The following CNTNAP2 variants were observed in gnomAD, a reference collection of about 807,000 sequenced individuals.
CNTNAP2 encodes contactin associated protein 2.
In CNTNAP2, 98 loss-of-function variants were observed where a neutral mutation model predicts 155.2. The ratio of observed to expected loss-of-function variants is 0.63; its 90% CI spans 0.54 to 0.75. The LOEUF (loss-of-function observed/expected upper bound fraction) is 0.75, where lower values mean the gene tolerates loss of function less well. CNTNAP2 is among the 30% of genes least tolerant of loss of function. CNTNAP2 has a pLI of 0.00. For missense variants in CNTNAP2, 1,727 were observed against 1,688.1 expected (o/e 1.02, Z -0.40); for synonymous variants, 651 against 631.2 (o/e 1.03, Z -0.47).
chr7:148,299,721 A>G (rs2116496854), intron 21 of CNTNAP2, among the ~76,000 whole-genome samples: 1 of 152,346 alleles, frequency 6.6e-6, no homozygotes, highest in African/African-American at 2.4e-5. Flanking sequence ...TGTAAGGTAC[A>G]ATTTGAAAAG....
intron 14 of CNTNAP2, among the ~76,000 whole-genome samples, chr7:147,971,374 G>A (rs1354158619): frequency 6.6e-6 from 1 of 151,946 alleles, no homozygotes. Flanking sequence ...TAAATTTTTA[G>A]AAAATTCATT....
chr7:147,960,622 G>A (rs1361369850), intron 14 of CNTNAP2, among the ~76,000 whole-genome samples: 1 of 152,112 alleles, frequency 6.6e-6, no homozygotes, highest in Non-Finnish European at 1.5e-5. Flanking sequence ...GTGTTTTCCA[G>A]CATCAACTGG....
chr7:147,590,241 T>C (rs10251903), intron 12 of CNTNAP2, among the ~76,000 whole-genome samples: 103,824 of 151,952 alleles, frequency 0.68, 35,915 homozygotes, highest in African/African-American at 0.78. Flanking sequence ...ATTGATAGCC[T>C]GTTACATGCC....
At chr7:147,609,043 G>A (rs1801129555) in intron 12 of CNTNAP2, among the ~76,000 whole-genome samples, 1 of 152,160 alleles carries the variant, frequency 6.6e-6, no homozygotes, top group African/African-American at 2.4e-5. Flanking sequence ...CCATCTGGAT[G>A]TATACGTGCA....
intron 14 of CNTNAP2, among the ~76,000 whole-genome samples, chr7:147,970,488 G>A (rs1367876956): frequency 6.6e-6 from 1 of 152,152 alleles, no homozygotes; most frequent in Non-Finnish European, 1.5e-5. Flanking sequence ...ACTTTGGGAG[G>A]TCAAGGTGCG....
At chr7:146,975,484 A>C in intron 3 of CNTNAP2, among the ~76,000 whole-genome samples, 1 of 150,774 alleles carries the variant, frequency 6.6e-6, no homozygotes, top group East Asian at 1.9e-4. Context: ...AATAATAAAC[A>C]AAAAAAATAG....
chr7:147,112,557 T>A (rs1405036835), intron 5 of CNTNAP2, among the ~76,000 whole-genome samples: 1 of 152,210 alleles, frequency 6.6e-6, no homozygotes, highest in Non-Finnish European at 1.5e-5. Context: ...AAAACCTAGT[T>A]AACTGAGAGT....
chr7:147,877,130 A>G (rs566709947), intron 13 of CNTNAP2, among the ~76,000 whole-genome samples: 1 of 151,426 alleles, frequency 6.6e-6, no homozygotes, highest in East Asian at 1.9e-4. Context: ...TTCAGACACA[A>G]CGAAGGCTTT....
At chr7:147,536,701 A>G (rs1206273166) in intron 11 of CNTNAP2, among the ~76,000 whole-genome samples, 2 of 152,160 alleles carry the variant, frequency 1.3e-5, no homozygotes, top group Non-Finnish European at 2.9e-5. Flanking sequence ...CAGTGCTAAC[A>G]CGCAGCGTTC....
At chr7:146,523,940 C>A (rs905057492) in intron 1 of CNTNAP2, among the ~76,000 whole-genome samples, 3 of 151,946 alleles carry the variant, frequency 2.0e-5, no homozygotes, top group African/African-American at 7.3e-5. Flanking sequence ...GTTCCTGTGC[C>A]TTTATTCAAG....
intron 21 of CNTNAP2, among the ~76,000 whole-genome samples, chr7:148,312,503 G>A (rs1797613010): frequency 6.6e-6 from 1 of 152,150 alleles, no homozygotes; most frequent in Non-Finnish European, 1.5e-5. Flanking sequence ...CTGGGATGAA[G>A]GGTGCAAAGG....
chr7:147,958,144 C>G (rs1163882952), intron 14 of CNTNAP2, among the ~76,000 whole-genome samples: 1 of 152,040 alleles, frequency 6.6e-6, no homozygotes, highest in Non-Finnish European at 1.5e-5. Context: ...CTTTCTAGAG[C>G]TTAGTTTTCT....
chr7:147,526,449 C>T (rs1304463279), intron 11 of CNTNAP2, among the ~76,000 whole-genome samples: 2 of 151,934 alleles, frequency 1.3e-5, no homozygotes, highest in Non-Finnish European at 2.9e-5. Flanking sequence ...ATATCAAGCT[C>T]GAGGTAAAGT....
rs778189127 is a variant in CNTNAP2 at position 148,172,479 on chromosome 7, G to A, written c.3010+1G>A. On this transcript the variant is annotated splice_donor_variant, in intron 18 of 23. Coordinates refer to ENST00000361727, the MANE Select transcript of CNTNAP2 (RefSeq NM_014141.6). LOFTEE classifies it high-confidence loss of function. ...TATGATGGAACATTTTGCAACAAAG[G>A]TAAGGTGGAACCCATTTCCAGAGCC... The A allele has an allele frequency of 1.2e-6, 2 of 1,613,768 alleles. No individual in the cohort carries two copies. The highest frequency in any genetic ancestry group is 1.1e-5 in the South Asian group (1 of 91,076).
chr7:147,512,750 T>C (rs1419588162), intron 11 of CNTNAP2, among the ~76,000 whole-genome samples: 3 of 152,160 alleles, frequency 2.0e-5, no homozygotes, highest in African/African-American at 7.2e-5. Flanking sequence ...ACAATTCCAT[T>C]TTTAGAATTG....
intron 10 of CNTNAP2, among the ~76,000 whole-genome samples, chr7:147,441,857 C>CCTCCT (rs1797645852): frequency 1.6e-5 from 2 of 127,512 alleles, no homozygotes; most frequent in African/African-American, 6.0e-5. Context: ...CTCTCCCTCC[C>CCTCCT]TCCCTCCCTC....
At chr7:146,479,793 T>A (rs1796932694) in intron 1 of CNTNAP2, among the ~76,000 whole-genome samples, 1 of 152,112 alleles carries the variant, frequency 6.6e-6, no homozygotes, top group Admixed American at 6.5e-5. Context: ...ATTTTATTTT[T>A]TATTTTTTTG....
chr7:148,283,248 A>AC (rs1797005060), intron 21 of CNTNAP2, among the ~76,000 whole-genome samples: 1 of 76,710 alleles, frequency 1.3e-5, no homozygotes, highest in Non-Finnish European at 2.6e-5. Flanking sequence ...TCAAAAAAAA[A>AC]AAAAAAAAAA....
chr7:147,861,832 A>C (rs953417693), intron 13 of CNTNAP2, among the ~76,000 whole-genome samples: 13 of 151,984 alleles, frequency 8.6e-5, no homozygotes, highest in Admixed American at 3.9e-4. Context: ...CCTGGGCAAC[A>C]TGGTAAAACC....
Sources: allele counts gnomAD v4.1 joint callset (sites outside exome capture counted in the v4.1 genomes callset), GRCh38; gene constraint gnomAD v4.1.1; transcripts MANE v1.5; gene names NCBI Gene and HGNC (gene_info 2026-07-23, HGNC 2026-07-21).